Variants in BNIP3 observed in about 807,000 individuals in gnomAD.
BNIP3 encodes the protein BCL2 interacting protein 3.
In BNIP3, 16 loss-of-function variants were observed where a neutral mutation model predicts 23.9. That is an observed-to-expected ratio of 0.67 (90% CI 0.45 to 1.01). The LOEUF (loss-of-function observed/expected upper bound fraction) is 1.01, where lower values mean the gene tolerates loss of function less well. Ranked by LOEUF, BNIP3 falls within the 50% of genes least tolerant of loss-of-function variation. BNIP3 has a pLI of 0.00. For synonymous variants in BNIP3, 81 were observed against 89.3 expected, an observed-to-expected ratio of 0.91 and a Z score of 0.53; for missense variants, 198 against 248.7, an observed-to-expected ratio of 0.80 and a Z score of 1.37.
chr10:131,973,047 T>C lies in BNIP3; in HGVS notation c.269A>G (p.Lys90Arg), dbSNP rs1411194404. ...CTTCCAGCTTACCTGTGAGCTGTTT[T>C]TCTCTCCAATGCTATGGGTATCTGT... is the stretch of plus-strand genomic sequence containing the variant. ...SETDTHSIGEKNSSQSEEDDI... is the reference protein window; with the variant it reads ...SETDTHSIGERNSSQSEEDDI... The change falls in exon 3 of 6, where the codon AAA becomes AGA. Residue 90 changes from lysine to arginine, a missense_variant. Lys to Arg is a conservative substitution (Grantham distance 26, BLOSUM62 2). Transcript: ENST00000368636. 3 of 1,613,544 alleles carry C rather than the reference T, an allele frequency of 1.9e-6. No individual in the cohort carries two copies. Among genetic ancestry groups the C allele is most frequent in the East Asian group, 2.2e-5 (1 of 44,890 alleles).
chr10:131,974,101 C>A (rs959798746), intron 1 of BNIP3, among the ~76,000 whole-genome samples, 158 bp from the exon 2 acceptor site: 2 of 152,158 alleles, frequency 1.3e-5, no homozygotes, highest in African/African-American at 4.8e-5. Flanking sequence ...TCCCTCTGCC[C>A]ACTCTCATGG....
At chr10:131,973,264 T>A (rs2037054504) in intron 2 of BNIP3, 146 bp from the exon 3 acceptor site, 1 of 745,588 alleles carries the variant, frequency 1.3e-6, no homozygotes, top group Non-Finnish European at 2.2e-6. Context: ...ACCCAGCACC[T>A]GCCAGAGCCA....
At chr10:131,971,760 G>A (rs1377245019) in intron 3 of BNIP3, among the ~76,000 whole-genome samples, 2 of 152,202 alleles carry the variant, frequency 1.3e-5, no homozygotes, top group Non-Finnish European at 2.9e-5. Context: ...CCAGGAGCAG[G>A]CCGCACGCCC....
At chr10:131,969,661 T>G (rs1198939013) in intron 5 of BNIP3, 2 of 152,420 alleles carry the variant, frequency 1.3e-5, no homozygotes, top group African/African-American at 2.4e-5. Flanking sequence ...CTAACCCACC[T>G]GCCCCCAGTG....
intron 1 of BNIP3, chr10:131,980,653 G>A (rs1213625124): frequency 6.6e-6 from 1 of 150,874 alleles, no homozygotes; most frequent in Admixed American, 6.6e-5. Flanking sequence ...ATATATTACG[G>A]TAACTAAGTC....
chr10:131,981,745 GCCT>G lies in BNIP3; in HGVS notation c.46+13_46+15del. ...CCCGCGCCCCCTCGGCTCCCGCGCC[GCCT>G]CCTCCGCCTCACCCTGCAGGCTCTC... On this transcript the variant is annotated intron_variant, in intron 1 of 5. Coordinates refer to ENST00000368636, the MANE Select transcript of BNIP3 (RefSeq NM_004052.4). 1 of 1,460,388 alleles carries G rather than the reference GCCT, an allele frequency of 6.8e-7. No individual in the cohort carries two copies. Among genetic ancestry groups the G allele is most frequent in the South Asian group, 1.3e-5 (1 of 75,454 alleles). The allele number at this position is 1,460,388 out of a possible 1,614,324, so 90.5% of individuals were successfully genotyped here.
chr10:131,971,085 A>G (rs1589975665), intron 3 of BNIP3, 115 bp from the exon 4 acceptor site: 3 of 933,308 alleles, frequency 3.2e-6, no homozygotes, highest in East Asian at 2.6e-5. Flanking sequence ...CCAGAGGCAC[A>G]TGTCAGTGCC....
At chr10:131,980,985 C>G (rs897601287) in intron 1 of BNIP3, 1 of 149,734 alleles carries the variant, frequency 6.7e-6, no homozygotes, top group African/African-American at 2.5e-5. Flanking sequence ...CTCCACGCCA[C>G]CCGGCTGTGC....
At chr10:131,975,982 A>C (rs2037075752) in intron 1 of BNIP3, among the ~76,000 whole-genome samples, 1 of 152,170 alleles carries the variant, frequency 6.6e-6, no homozygotes, top group Non-Finnish European at 1.5e-5. Context: ...TGAGATGTAC[A>C]GACCACACCA....
intron 3 of BNIP3, among the ~76,000 whole-genome samples, chr10:131,971,811 C>T (rs1163329341): frequency 2.0e-5 from 3 of 152,202 alleles, no homozygotes; most frequent in South Asian, 2.1e-4. Context: ...TCCTGGGGCT[C>T]CCGAAATCAT....
intron 2 of BNIP3, 150 bp downstream of exon 2, chr10:131,973,643 G>A (rs1226005752): frequency 1.9e-6 from 2 of 1,046,598 alleles, no homozygotes; most frequent in East Asian, 2.5e-5. Context: ...TCCTATATAA[G>A]GACGGACTGC....
At chr10:131,981,491 C>T (rs920066077) in intron 1 of BNIP3, among the ~76,000 whole-genome samples, 4 of 152,224 alleles carry the variant, frequency 2.6e-5, no homozygotes, top group Non-Finnish European at 5.9e-5. Flanking sequence ...GCTGGAGAAT[C>T]GGGGCTTTCC....
intron 3 of BNIP3, among the ~76,000 whole-genome samples, chr10:131,972,390 T>C (rs1400456622): frequency 6.6e-6 from 1 of 152,160 alleles, no homozygotes; most frequent in Non-Finnish European, 1.5e-5. Flanking sequence ...AAAAAAACTT[T>C]TTTAAAAAAG....
At chr10:131,971,551 TCTA>T (rs901100306) in intron 3 of BNIP3, 4 of 152,668 alleles carry the variant, frequency 2.6e-5, no homozygotes, top group Admixed American at 2.0e-4. Flanking sequence ...AGTGTTTTTC[TCTA>T]CTTTTTTGCA....
intron 1 of BNIP3, among the ~76,000 whole-genome samples, chr10:131,977,934 G>A (rs1358505851): frequency 2.0e-5 from 3 of 152,176 alleles, no homozygotes; most frequent in East Asian, 1.9e-4. Context: ...AGAATGGAGC[G>A]TGCTGTGTAT....
chr10:131,978,615 A>C (rs2037097112), intron 1 of BNIP3, among the ~76,000 whole-genome samples: 1 of 152,234 alleles, frequency 6.6e-6, no homozygotes, highest in South Asian at 2.1e-4. Flanking sequence ...ACCTGGGGTG[A>C]CAACCTCAAC....
At chr10:131,981,712 G>T in intron 1 of BNIP3, 49 bp downstream of exon 1, 1 of 1,457,492 alleles carries the variant, frequency 6.9e-7, no homozygotes, top group Non-Finnish European at 9.0e-7. Context: ...CCTTCCCCAG[G>T]CTTCCCCCCC....
At chr10:131,969,823 G>A (rs2037008456) in intron 5 of BNIP3, 1 of 152,248 alleles carries the variant, frequency 6.6e-6, no homozygotes, top group Admixed American at 6.5e-5. Flanking sequence ...CCACCGCTGC[G>A]GCGAACGCTC....
chr10:131,981,735 C>T, intron 1 of BNIP3, 26 bp downstream of exon 1: 1 of 1,464,914 alleles, frequency 6.8e-7, no homozygotes, highest in Non-Finnish European at 9.0e-7. Context: ...GCCCCCTCGG[C>T]TCCCGCGCCG....
Sources: allele counts gnomAD v4.1 joint callset (sites outside exome capture counted in the v4.1 genomes callset), GRCh38; gene constraint gnomAD v4.1.1; transcripts MANE v1.5; gene names NCBI Gene and HGNC (gene_info 2026-07-23, HGNC 2026-07-21).